The following PTPRO variants were observed in gnomAD, a reference collection of about 807,000 sequenced individuals.
PTPRO encodes protein tyrosine phosphatase receptor type O, also known as receptor-type tyrosine-protein phosphatase O.
Under a neutral mutation model 145.2 loss-of-function variants are expected in PTPRO, and 62 were observed. That is an observed-to-expected ratio of 0.43 (90% confidence interval 0.35 to 0.53). PTPRO has a LOEUF of 0.53. Ranked by LOEUF, PTPRO falls within the 20% of genes least tolerant of loss-of-function variation. The pLI is 0.01. For missense variants in PTPRO, 1,345 were observed against 1,482.7 expected (o/e 0.91, Z 1.53); for synonymous variants, 565 against 514.7 (o/e 1.10, Z -1.32).
chr12:15,581,790 C>A lies in PTPRO; in HGVS notation c.3244C>A (p.Arg1082=). The change falls in exon 23 of 27, where the codon CGG becomes AGG. Residue 1082 remains arginine (R), a synonymous_variant. Coordinates refer to ENST00000281171, the MANE Select transcript of PTPRO (RefSeq NM_030667.3). ...GGACGACTGGGCCTGTAGACACTTC[C>A]GGATCAACTATGTAAGTCACCAGGC... ...EQDDWACRHF[R]INYADEMQDV... 1 of 1,613,844 alleles carries A rather than the reference C, an allele frequency of 6.2e-7. No homozygotes were observed. The highest frequency in any genetic ancestry group is 1.1e-5 in the South Asian group (1 of 91,074).
intron 10 of PTPRO, 115 bp downstream of exon 10, chr12:15,520,427 A>C: frequency 1.4e-6 from 1 of 735,048 alleles, no homozygotes; most frequent in Non-Finnish European, 2.5e-6. Flanking sequence ...GTGAGCATCA[A>C]TTTCATGGGA....
chr12:15,483,825 A>T (rs1289843507), intron 1 of PTPRO, 149 bp from the exon 2 acceptor site: 2 of 766,254 alleles, frequency 2.6e-6, no homozygotes, highest in Non-Finnish European at 4.2e-6. Flanking sequence ...TAAAATACCT[A>T]TGTAACTCTA....
chr12:15,511,279 C>T (rs1942435014), intron 7 of PTPRO, among the ~76,000 whole-genome samples: 1 of 152,158 alleles, frequency 6.6e-6, no homozygotes, highest in South Asian at 2.1e-4. Flanking sequence ...AGAGGCATTC[C>T]ACTTTTCCTC....
At chr12:15,401,267 C>T (rs1374085930) in intron 1 of PTPRO, among the ~76,000 whole-genome samples, 1 of 152,208 alleles carries the variant, frequency 6.6e-6, no homozygotes. Context: ...GTGCAAGACA[C>T]TTCCACTTAC....
chr12:15,387,488 C>T (rs1441986626), intron 1 of PTPRO, among the ~76,000 whole-genome samples: 5 of 152,144 alleles, frequency 3.3e-5, no homozygotes, highest in African/African-American at 4.8e-5. Context: ...CTGTTCTCAC[C>T]CACTTGGTGA....
At chr12:15,509,500 C>A (rs1942392358) in intron 7 of PTPRO, among the ~76,000 whole-genome samples, 1 of 151,616 alleles carries the variant, frequency 6.6e-6, no homozygotes, top group Non-Finnish European at 1.5e-5. Context: ...AGTTCGAGAC[C>A]AGCCTGGCCA....
chr12:15,531,668 G>C (rs893250922), intron 12 of PTPRO, among the ~76,000 whole-genome samples: 1 of 152,184 alleles, frequency 6.6e-6, no homozygotes, highest in African/African-American at 2.4e-5. Context: ...ACACAAAGTT[G>C]TGTGATAGAC....
intron 12 of PTPRO, among the ~76,000 whole-genome samples, chr12:15,538,241 T>TTC (rs1024564733): frequency 6.0e-5 from 9 of 149,926 alleles, no homozygotes; most frequent in African/African-American, 2.2e-4. Context: ...TAGTGCTTCT[T>TTC]TTTTTTTTTG....
intron 1 of PTPRO, among the ~76,000 whole-genome samples, chr12:15,440,708 A>G (rs1714486205): frequency 6.6e-6 from 1 of 152,198 alleles, no homozygotes; most frequent in African/African-American, 2.4e-5. Flanking sequence ...AATAATAAAC[A>G]AAAAAGCAGG....
rs77846183 is a variant in PTPRO, at chr12:15,497,226, A to G, written c.350-19A>G. ...TCTCCTCTTTCTTTTCCCTTTCTCC[A>G]TTTACTTCACTTCTGTAGAACCTCT... On this transcript the variant is annotated intron_variant, in intron 2 of 26. Coordinates refer to ENST00000281171, the MANE Select transcript of PTPRO (RefSeq NM_030667.3). 1.9e-6 allele frequency: 3 copies of G among 1,542,088 alleles called. No homozygotes were observed. The highest frequency in any genetic ancestry group is 2.3e-5 in the East Asian group (1 of 44,436).
chr12:15,366,684 A>G (rs1938371559), intron 1 of PTPRO, among the ~76,000 whole-genome samples: 1 of 152,142 alleles, frequency 6.6e-6, no homozygotes, highest in East Asian at 1.9e-4. Context: ...ATACTTAGAG[A>G]AAAAATAATT....
chr12:15,570,324 T>C (rs548349837), intron 19 of PTPRO, among the ~76,000 whole-genome samples: 1 of 150,308 alleles, frequency 6.7e-6, no homozygotes, highest in Non-Finnish European at 1.5e-5. Flanking sequence ...ATTCTGTAGT[T>C]TTTTTTTTTT....
chr12:15,503,074 A>C (rs1157410267), intron 5 of PTPRO, among the ~76,000 whole-genome samples: 1 of 152,168 alleles, frequency 6.6e-6, no homozygotes, highest in East Asian at 1.9e-4. Context: ...TAATTATTTG[A>C]GTCAAAAGTC....
At chr12:15,519,071 A>T (rs1410018294) in intron 9 of PTPRO, among the ~76,000 whole-genome samples, 1 of 152,182 alleles carries the variant, frequency 6.6e-6, no homozygotes, top group Non-Finnish European at 1.5e-5. Context: ...GGCAATTTAC[A>T]AAAGAAGGAG....
intron 1 of PTPRO, among the ~76,000 whole-genome samples, chr12:15,440,901 A>C (rs1416809222): frequency 6.6e-6 from 1 of 152,206 alleles, no homozygotes; most frequent in Non-Finnish European, 1.5e-5. Flanking sequence ...TTAGACAGCC[A>C]CACAATAATG....
intron 1 of PTPRO, among the ~76,000 whole-genome samples, chr12:15,469,195 T>A (rs183796878): frequency 3.3e-5 from 5 of 152,292 alleles, no homozygotes; most frequent in Admixed American, 2.0e-4. Flanking sequence ...TATCTTTCAA[T>A]AAGTGGGACA....
At chr12:15,485,000 A>G (rs769769763) in intron 2 of PTPRO, among the ~76,000 whole-genome samples, 1 of 152,158 alleles carries the variant, frequency 6.6e-6, no homozygotes, top group Non-Finnish European at 1.5e-5. Context: ...CTAGCACAAT[A>G]TAATGGCTCA....
intron 1 of PTPRO, among the ~76,000 whole-genome samples, chr12:15,382,354 A>G (rs964235449): frequency 8.5e-5 from 13 of 152,254 alleles, no homozygotes; most frequent in Middle Eastern, 6.8e-3. Context: ...AAGTTCAAAG[A>G]TTCACCTCGA....
intron 1 of PTPRO, among the ~76,000 whole-genome samples, chr12:15,419,635 A>C (rs1362841169): frequency 6.6e-6 from 1 of 151,782 alleles, no homozygotes; most frequent in East Asian, 1.9e-4. Flanking sequence ...TAATTTATGC[A>C]CCGCATTTAC....
Sources: allele counts gnomAD v4.1 joint callset (sites outside exome capture counted in the v4.1 genomes callset), GRCh38; gene constraint gnomAD v4.1.1; transcripts MANE v1.5; gene names NCBI Gene and HGNC (gene_info 2026-07-23, HGNC 2026-07-21).